TET2: variants seen among roughly 807,000 people sequenced by gnomAD.
The protein encoded by TET2 is methylcytosine dioxygenase TET2.
A neutral mutation model predicts 142.9 loss-of-function variants in TET2; 299 were observed. The observed-to-expected ratio is 2.09, with a 90% CI of 1.90 to 2.30. The LOEUF (loss-of-function observed/expected upper bound fraction) is 2.30, where lower values mean the gene tolerates loss of function less well. Among genes scored for constraint, TET2 ranks in the 30% most tolerant of loss-of-function variants. TET2 has a pLI of 0.00. For missense variants in TET2, 2,418 were observed against 2,378.0 expected (o/e 1.02, Z -0.35); for synonymous variants, 819 against 849.0 (o/e 0.96, Z 0.61).
chr4:105,194,218 T>A (rs936588805), intron 2 of TET2, among the ~76,000 whole-genome samples: 3 of 152,168 alleles, frequency 2.0e-5, no homozygotes, highest in Non-Finnish European at 2.9e-5. Flanking sequence ...AGCACTCTCT[T>A]GTAGCCATTT....
chr4:105,240,988 T>G, intron 3 of TET2: 4 of 1,042,962 alleles, frequency 3.8e-6, no homozygotes, highest in Non-Finnish European at 4.7e-6. Flanking sequence ...GCTTTAAATG[T>G]TTTTTTTTTC....
rs370845238 is a variant in TET2 at position 105,234,986 on chromosome 4, T to C, written c.1044T>C (p.Ser348=). ...TCCAGGGAACCACAAAGCTAGCGTCTGGTGAAGAATTCTGTTCAGGTTCCA... is the reference window on the plus strand; with the variant it reads ...TCCAGGGAACCACAAAGCTAGCGTCCGGTGAAGAATTCTGTTCAGGTTCCA... ...NNIQGTTKLA[S]GEEFCSGSSS... is the part of the protein sequence containing the mutation. Residue 348 remains serine, a synonymous_variant, in exon 3 of 11, where the codon TCT becomes TCC. Coordinates refer to ENST00000380013, the MANE Select transcript of TET2 (RefSeq NM_001127208.3). The C allele has an allele frequency of 9.9e-6, 16 of 1,613,940 alleles. No individual in the cohort carries two copies. In the African/African-American group the frequency reaches 1.9e-4, roughly 19 times the overall value.
intron 1 of TET2, among the ~76,000 whole-genome samples, chr4:105,188,182 A>C (rs993218926): frequency 5.9e-5 from 9 of 152,238 alleles, no homozygotes; most frequent in African/African-American, 2.2e-4. Context: ...ACTATTATTC[A>C]ACCTTAAAGA....
In TET2 at chr4:105,276,326, A is replaced by G. The variant is rs1731221611; in HGVS notation, c.5816A>G (p.Tyr1939Cys). The change falls in exon 11 of 11, where the codon TAT becomes TGT. Residue 1939 changes from tyrosine to cysteine, a missense_variant. Transcript: ENST00000380013. ...GAGTGTGAAAAGTATGGCCCAGACT[A>G]TGTGCCTCAGAAATCCCATGGCAAA... ...EEECEKYGPD[Y>C]VPQKSHGKKV... The G allele has an allele frequency of 1.3e-6, 2 of 1,551,710 alleles. No individual in the cohort carries two copies. Among genetic ancestry groups the G allele is most frequent in the Non-Finnish European group, 1.7e-6 (2 of 1,146,996 alleles).
intron 1 of TET2, among the ~76,000 whole-genome samples, chr4:105,176,623 A>G (rs112736631): frequency 0.015 from 2,268 of 152,328 alleles, 33 homozygotes; most frequent in Middle Eastern, 0.058. Flanking sequence ...CAAAAGTGTA[A>G]TGAAAAATAC....
chr4:105,242,090 C>A, intron 4 of TET2: 1 of 1,207,314 alleles, frequency 8.3e-7, no homozygotes. Context: ...GGTGCCTTTT[C>A]ATTAAGAGGT....
At position 105,279,694 on chromosome 4, in the gene TET2, TTGTAA is replaced by T. The variant is rs1731371492; in HGVS notation, c.*3179_*3183del. The T allele has an allele frequency of 4.4e-6, 1 of 229,360 alleles. No individual in the cohort carries two copies. The highest frequency in any genetic ancestry group is 2.2e-5 in the African/African-American group (1 of 45,154). The allele number at this position is 229,360 out of a possible 1,614,324, so 14.2% of individuals were successfully genotyped here. A position where few individuals can be genotyped will look rare whatever the true frequency, so the allele number is the denominator to read the frequency against. On this transcript the variant is annotated 3_prime_UTR_variant, in exon 11 of 11. Transcript: ENST00000380013. ...AGGATGGTTATAAATACTGTAAGTA[TTGTAA>T]TGTTATGAATGCAGGTTATTTGAAA...
intron 2 of TET2, among the ~76,000 whole-genome samples, chr4:105,220,871 TG>T (rs1427528221): frequency 6.6e-6 from 1 of 152,186 alleles, no homozygotes; most frequent in African/African-American, 2.4e-5. Context: ...CTCTTTCTGC[TG>T]GGGCATCCTT....
intron 8 of TET2, among the ~76,000 whole-genome samples, chr4:105,268,406 A>G (rs907370120): frequency 6.6e-6 from 1 of 152,176 alleles, no homozygotes; most frequent in Non-Finnish European, 1.5e-5. Flanking sequence ...CAGTAACTGG[A>G]GAGATACACT....
chr4:105,274,925 T>G, intron 10 of TET2, 123 bp from the exon 11 acceptor site: 1 of 1,261,110 alleles, frequency 7.9e-7, no homozygotes. Context: ...TATCTTTGCT[T>G]AATGGGTGTC....
At chr4:105,241,262 G>A (rs1236135583) in intron 3 of TET2, 77 bp from the exon 4 acceptor site, 4 of 1,446,446 alleles carry the variant, frequency 2.8e-6, no homozygotes, top group East Asian at 2.5e-5. Context: ...TGTAGTTGGG[G>A]GTTAAGCTTT....
At chr4:105,212,454 GT>G (rs1180647257) in intron 2 of TET2, among the ~76,000 whole-genome samples, 1 of 152,018 alleles carries the variant, frequency 6.6e-6, no homozygotes. Context: ...ACTTAACAGA[GT>G]TATAATAGAT....
In TET2 at chr4:105,277,827, T is replaced by TA. The variant is rs1248379050; in HGVS notation, c.*1309dup. ...TCAACAAAGCTAGTTCACTGAAGCCTATGCTATTTTATGGATCATAGGCTC... is the reference window on the plus strand; with the variant it reads ...TCAACAAAGCTAGTTCACTGAAGCCTAATGCTATTTTATGGATCATAGGCTC... On this transcript the variant is annotated 3_prime_UTR_variant, in exon 11 of 11. Transcript: ENST00000380013. 1 of 225,616 alleles carries TA rather than the reference T, an allele frequency of 4.4e-6. No individual in the cohort carries two copies. Among genetic ancestry groups the TA allele is most frequent in the Admixed American group, 5.7e-5 (1 of 17,514 alleles). The allele number at this position is 225,616 out of a possible 1,614,324, so 14.0% of individuals were successfully genotyped here.
At position 105,279,499 on chromosome 4, in the gene TET2, C is replaced by T. The variant is rs189966906; in HGVS notation, c.*2980C>T. 4.3e-6 allele frequency: 1 copy of T among 232,658 alleles called. No individual in the cohort carries two copies. The highest frequency in any genetic ancestry group is 6.1e-5 in the East Asian group (1 of 16,428). 14.4% of individuals were successfully genotyped at this position (232,658 alleles called of 1,614,324 possible). A position where few individuals can be genotyped will look rare whatever the true frequency, so the allele number is the denominator to read the frequency against. ...GTCAACTTTACTTGAATGAATTTTT[C>T]ATCTTGATTGACGCACAGTGATGTA... On this transcript the variant is annotated 3_prime_UTR_variant, in exon 11 of 11. Transcript: ENST00000380013.
chr4:105,189,689 G>A (rs1725673856), intron 1 of TET2, among the ~76,000 whole-genome samples: 1 of 152,098 alleles, frequency 6.6e-6, no homozygotes, highest in Admixed American at 6.5e-5. Flanking sequence ...GACCAATTAA[G>A]TCTTACTTGG....
intron 2 of TET2, among the ~76,000 whole-genome samples, chr4:105,195,843 C>A (rs1425649187): frequency 1.3e-5 from 2 of 152,148 alleles, no homozygotes; most frequent in Admixed American, 6.6e-5. Context: ...ACCAAGGACA[C>A]GTATAGTCCT....
At chr4:105,203,201 G>A (rs1726581126) in intron 2 of TET2, among the ~76,000 whole-genome samples, 1 of 152,136 alleles carries the variant, frequency 6.6e-6, no homozygotes, top group African/African-American at 2.4e-5. Context: ...GTAAGATTTG[G>A]GAGAAAAGTA....
chr4:105,225,322 C>T (rs1578653658), intron 2 of TET2, among the ~76,000 whole-genome samples: 1 of 151,986 alleles, frequency 6.6e-6, no homozygotes, highest in Non-Finnish European at 1.5e-5. Flanking sequence ...ATCAGAAGAG[C>T]TTCTACAACT....
intron 9 of TET2, among the ~76,000 whole-genome samples, chr4:105,272,264 GCTT>G (rs1730998196): frequency 6.6e-6 from 1 of 152,146 alleles, no homozygotes; most frequent in South Asian, 2.1e-4. Flanking sequence ...GGGGAGTGTT[GCTT>G]CTTCCCATAG....
Sources: allele counts gnomAD v4.1 joint callset (sites outside exome capture counted in the v4.1 genomes callset), GRCh38; gene constraint gnomAD v4.1.1; transcripts MANE v1.5; gene names NCBI Gene and HGNC (gene_info 2026-07-23, HGNC 2026-07-21).